PTPRD: variants seen among roughly 807,000 people sequenced by gnomAD.
The protein encoded by PTPRD is protein tyrosine phosphatase receptor type D, also known as receptor-type tyrosine-protein phosphatase delta.
A neutral mutation model predicts 214.5 loss-of-function variants in PTPRD; 34 were observed. The ratio of observed to expected loss-of-function variants is 0.16; its 90% CI spans 0.12 to 0.21. The LOEUF is 0.21. Ranked by LOEUF, PTPRD falls within the 10% of genes least tolerant of loss-of-function variation. The pLI is 1.00. For synonymous variants in PTPRD, 1,128 were observed against 845.7 expected (o/e 1.33, Z -5.79); for missense variants, 2,545 against 2,398.7 (o/e 1.06, Z -1.27).
chr9:9,933,954 T>A (rs560428258), intron 5 of PTPRD, among the ~76,000 whole-genome samples: 3 of 145,004 alleles, frequency 2.1e-5, no homozygotes, highest in African/African-American at 8.2e-5. Context: ...ACATGGAAAC[T>A]GAACAACCTG....
intron 3 of PTPRD, among the ~76,000 whole-genome samples, chr9:10,256,395 CT>C (rs35833315): frequency 0.044 from 6,301 of 144,352 alleles, 147 homozygotes; most frequent in African/African-American, 0.075. Flanking sequence ...TGAATTACAG[CT>C]TTTTTTTTTT....
At chr9:9,674,951 G>A (rs2096901266) in intron 7 of PTPRD, among the ~76,000 whole-genome samples, 1 of 151,652 alleles carries the variant, frequency 6.6e-6, no homozygotes, top group African/African-American at 2.4e-5. Context: ...AAGTATAGAA[G>A]GTTAGAAATA....
chr9:10,019,281 GGGC>G (rs2096793145), intron 4 of PTPRD, among the ~76,000 whole-genome samples: 1 of 152,076 alleles, frequency 6.6e-6, no homozygotes, highest in Non-Finnish European at 1.5e-5. Flanking sequence ...GAAAAAACAG[GGGC>G]TGGAGAGGAT....
At chr9:10,508,192 A>G (rs1452755019) in intron 2 of PTPRD, among the ~76,000 whole-genome samples, 3 of 152,242 alleles carry the variant, frequency 2.0e-5, no homozygotes, top group East Asian at 3.8e-4. Context: ...GATACATGAA[A>G]AAATGCTCAT....
At chr9:10,164,311 A>G (rs2099146114) in intron 3 of PTPRD, among the ~76,000 whole-genome samples, 1 of 151,570 alleles carries the variant, frequency 6.6e-6, no homozygotes, top group Non-Finnish European at 1.5e-5. Flanking sequence ...AAATGACAAC[A>G]ATTTATTGAA....
intron 2 of PTPRD, among the ~76,000 whole-genome samples, chr9:10,569,512 T>C (rs1396395601): frequency 6.7e-6 from 1 of 150,106 alleles, no homozygotes. Context: ...CATGTCTCTC[T>C]CTCTCTCTCT....
intron 4 of PTPRD, among the ~76,000 whole-genome samples, chr9:9,947,659 G>A (rs1171948302): frequency 2.2e-5 from 2 of 90,490 alleles, no homozygotes; most frequent in African/African-American, 8.4e-5. Flanking sequence ...TATACACCAT[G>A]GCATGTAGGT....
intron 5 of PTPRD, among the ~76,000 whole-genome samples, chr9:9,910,216 C>T (rs138642422): frequency 1.2e-4 from 18 of 152,048 alleles, no homozygotes; most frequent in Admixed American, 5.9e-4. Context: ...AAATGTTAAG[C>T]TGATGAAAAT....
intron 3 of PTPRD, among the ~76,000 whole-genome samples, chr9:10,088,115 G>A (rs776860018): frequency 2.6e-5 from 4 of 151,682 alleles, no homozygotes; most frequent in Non-Finnish European, 4.4e-5. Flanking sequence ...TGTCTAGTTT[G>A]TAGTAAGAAA....
intron 2 of PTPRD, among the ~76,000 whole-genome samples, chr9:10,457,081 A>C (rs183245026): frequency 6.6e-6 from 1 of 152,008 alleles, no homozygotes; most frequent in East Asian, 1.9e-4. Flanking sequence ...TGTTTTATTA[A>C]CTTTTTTCTT....
Position 9,564,714 on chromosome 9 carries a change from A to C in PTPRD, c.-237+10018T>G, listed in dbSNP as rs184556873. 3.1e-3 allele frequency among the ~76,000 whole-genome samples: 464 copies of C among 152,042 alleles called. 2 individuals carry two copies. The highest frequency in any genetic ancestry group is 0.011 in the African/African-American group (440 of 41,536). On this transcript the variant is annotated intron_variant, in intron 8 of 45. Coordinates refer to ENST00000381196, the MANE Select transcript of PTPRD (RefSeq NM_002839.4). ...TTAGGAACTCCTGTATTAATATGTA[A>C]CTCAAGAAAACCCATCTCTGAATTG...
intron 11 of PTPRD, among the ~76,000 whole-genome samples, chr9:8,775,515 A>G (rs1469675039): frequency 6.6e-6 from 1 of 152,194 alleles, no homozygotes; most frequent in Non-Finnish European, 1.5e-5. Context: ...AATGCTTTGG[A>G]TTGGGAGCAA....
At chr9:9,088,446 G>T (rs1221029603) in intron 10 of PTPRD, among the ~76,000 whole-genome samples, 2 of 151,268 alleles carry the variant, frequency 1.3e-5, no homozygotes, top group Non-Finnish European at 2.9e-5. Context: ...TGGGCATGGT[G>T]GCAGGCACCT....
chr9:9,925,625 T>G (rs987718731), intron 5 of PTPRD, among the ~76,000 whole-genome samples: 1 of 151,564 alleles, frequency 6.6e-6, no homozygotes, highest in Non-Finnish European at 1.5e-5. Context: ...GACAAAATTT[T>G]TTAAAAAAAA....
At chr9:8,985,718 C>T (rs374901391) in intron 11 of PTPRD, among the ~76,000 whole-genome samples, 12 of 151,698 alleles carry the variant, frequency 7.9e-5, no homozygotes, top group East Asian at 3.9e-4. Flanking sequence ...CAGAACCCAA[C>T]GTCTATGAGA....
At chr9:8,538,815 T>C (rs1036228559) in intron 14 of PTPRD, among the ~76,000 whole-genome samples, 4 of 151,936 alleles carry the variant, frequency 2.6e-5, no homozygotes, top group Non-Finnish European at 5.9e-5. Flanking sequence ...TCACACCTTG[T>C]ATTCAGATCT....
chr9:9,144,510 T>C (rs1244467789), intron 10 of PTPRD, among the ~76,000 whole-genome samples: 2 of 152,058 alleles, frequency 1.3e-5, no homozygotes, highest in African/African-American at 4.8e-5. Flanking sequence ...TCCTAGTGCT[T>C]TGGGAGGCTG....
At chr9:8,916,690 T>C (rs1566981458) in intron 11 of PTPRD, among the ~76,000 whole-genome samples, 1 of 152,194 alleles carries the variant, frequency 6.6e-6, no homozygotes, top group African/African-American at 2.4e-5. Flanking sequence ...GTAGCTCACA[T>C]AGTGCTCAAA....
chr9:8,757,239 G>C lies in PTPRD; in HGVS notation c.-103-23293C>G, dbSNP rs542918920. ...GACAAACAAAAAAAGGTCAAACAAG[G>C]ACAATGCCTCTAATAAATTTGCTTA... On this transcript the variant is annotated intron_variant, in intron 11 of 45. Coordinates refer to ENST00000381196, the MANE Select transcript of PTPRD (RefSeq NM_002839.4). Among the ~76,000 whole-genome samples, 4 of 152,214 alleles carry C rather than the reference G, an allele frequency of 2.6e-5. No individual in the cohort carries two copies. In the South Asian group the frequency reaches 6.2e-4, roughly 24 times the overall value.
Sources: gnomAD v4.1 joint callset for allele counts (sites outside exome capture counted in the v4.1 genomes callset) on GRCh38, gnomAD v4.1.1 for gene constraint, MANE v1.5 for transcripts, NCBI Gene and HGNC (gene_info 2026-07-23, HGNC 2026-07-21) for gene names.